TENM3: variants seen among roughly 807,000 people sequenced by gnomAD.
TENM3 encodes the protein teneurin transmembrane protein 3.
In TENM3, 63 loss-of-function variants were observed where a neutral mutation model predicts 255.1. The observed-to-expected ratio is 0.25, with a 90% confidence interval of 0.20 to 0.30. The LOEUF (loss-of-function observed/expected upper bound fraction) is 0.30, where lower values mean the gene tolerates loss of function less well. Among genes scored for constraint, TENM3 ranks in the 10% least tolerant of loss-of-function variants. TENM3 has a pLI of 1.00. For synonymous variants in TENM3, 1,306 were observed against 1,322.3 expected, an observed-to-expected ratio of 0.99 and a Z score of 0.27; for missense variants, 2,929 against 3,461.1, an observed-to-expected ratio of 0.85 and a Z score of 3.86.
At chr4:182,008,916 T>C in the TENM3 span, among the ~76,000 whole-genome samples, 1 of 152,120 alleles carries the variant, frequency 6.6e-6, no homozygotes, top group Admixed American at 6.6e-5. Flanking sequence ...GTGGGGACTT[T>C]TTGTTTTTGT....
chr4:182,623,745 C>A (rs1303277670), intron 4 of TENM3, among the ~76,000 whole-genome samples: 1 of 152,108 alleles, frequency 6.6e-6, no homozygotes, highest in African/African-American at 2.4e-5. Context: ...TCTGGTGTTA[C>A]ACTCTTCTCC....
chr4:181,659,313 G>A, the TENM3 span, among the ~76,000 whole-genome samples: 1 of 151,970 alleles, frequency 6.6e-6, no homozygotes, highest in Non-Finnish European at 1.5e-5. Flanking sequence ...TTACTTTCAG[G>A]AACTCCCTAC....
At chr4:181,734,327 C>A in the TENM3 span, among the ~76,000 whole-genome samples, 1 of 151,508 alleles carries the variant, frequency 6.6e-6, no homozygotes, top group African/African-American at 2.4e-5. Context: ...TTTTAATCCC[C>A]AGAACACAGC....
the TENM3 span, among the ~76,000 whole-genome samples, chr4:181,913,303 T>C: frequency 6.6e-6 from 1 of 152,138 alleles, no homozygotes; most frequent in African/African-American, 2.4e-5. Context: ...AAAGTGCCAT[T>C]TAATTTGGTC....
intron 12 of TENM3, among the ~76,000 whole-genome samples, chr4:182,700,532 T>C (rs757844872): frequency 8.5e-5 from 13 of 152,220 alleles, no homozygotes; most frequent in Non-Finnish European, 1.9e-4. Context: ...AATTTTTGTC[T>C]GTTGCTCTTC....
chr4:181,852,705 T>C, the TENM3 span, among the ~76,000 whole-genome samples: 2 of 152,234 alleles, frequency 1.3e-5, no homozygotes, highest in Non-Finnish European at 2.9e-5. Context: ...TGTATTAATA[T>C]TTCAGCGCTT....
At chr4:182,275,862 G>A (rs1759963915) in intron 1 of TENM3, among the ~76,000 whole-genome samples, 2 of 152,144 alleles carry the variant, frequency 1.3e-5, no homozygotes, top group Non-Finnish European at 2.9e-5. Context: ...GACCACTTGA[G>A]CCCAGGAGTT....
chr4:181,746,222 T>C, the TENM3 span, among the ~76,000 whole-genome samples: 1 of 152,098 alleles, frequency 6.6e-6, no homozygotes, highest in African/African-American at 2.4e-5. Flanking sequence ...AGGTTATTTG[T>C]AATGAACAAA....
chr4:182,473,178 T>A (rs1484645170), intron 3 of TENM3, among the ~76,000 whole-genome samples: 2 of 152,170 alleles, frequency 1.3e-5, no homozygotes, highest in Non-Finnish European at 2.9e-5. Context: ...CCTTTATTGT[T>A]CAACTTACTG....
Position 182,520,270 on chromosome 4 carries a change from A to G in TENM3, c.512-80654A>G, listed in dbSNP as rs1335251499. ...ATACAAGACCAGTATAAAAAAATCAATTGTATTTCTACATTGTAGCAACAA... is the reference window on the plus strand; with the variant it reads ...ATACAAGACCAGTATAAAAAAATCAGTTGTATTTCTACATTGTAGCAACAA... On this transcript the variant is annotated intron_variant, in intron 3 of 27. Coordinates refer to ENST00000511685, the MANE Select transcript of TENM3 (RefSeq NM_001080477.4). Among the ~76,000 whole-genome samples the G allele has an allele frequency of 3.3e-5, 5 of 152,200 alleles. No individual in the cohort carries two copies. The East Asian group carries it at 9.6e-4, about 29-fold the overall frequency.
the TENM3 span, among the ~76,000 whole-genome samples, chr4:182,062,306 T>C: frequency 3.9e-5 from 6 of 152,172 alleles, no homozygotes; most frequent in African/African-American, 1.4e-4. Flanking sequence ...ACCTTTACAA[T>C]TGTGTATTTG....
intron 1 of TENM3, among the ~76,000 whole-genome samples, chr4:182,184,261 T>G (rs1183730568): frequency 6.6e-6 from 1 of 152,210 alleles, no homozygotes; most frequent in Non-Finnish European, 1.5e-5. Context: ...GGAATAGAAG[T>G]TAATCAAATC....
intron 3 of TENM3, among the ~76,000 whole-genome samples, chr4:182,477,596 G>C (rs897335528): frequency 1.3e-5 from 2 of 152,014 alleles, no homozygotes; most frequent in South Asian, 2.1e-4. Context: ...ATGTCTTTTC[G>C]TTCTTTATTT....
At chr4:181,911,416 G>A in the TENM3 span, among the ~76,000 whole-genome samples, 1 of 152,266 alleles carries the variant, frequency 6.6e-6, no homozygotes, top group East Asian at 1.9e-4. Context: ...ATAAAGCCAA[G>A]CTTTTTTCTT....
chr4:182,699,782 A>AT (rs2152632480), intron 12 of TENM3, among the ~76,000 whole-genome samples: 1 of 152,292 alleles, frequency 6.6e-6, no homozygotes, highest in South Asian at 2.1e-4. Flanking sequence ...TCCTTTACTA[A>AT]TATACTAGAG....
chr4:181,858,200 C>T, the TENM3 span, among the ~76,000 whole-genome samples: 1 of 152,178 alleles, frequency 6.6e-6, no homozygotes, highest in Admixed American at 6.5e-5. Context: ...GATCTTCCCA[C>T]CTCAGCCTCC....
chr4:182,553,655 C>T (rs1185806770), intron 3 of TENM3, among the ~76,000 whole-genome samples: 4 of 152,046 alleles, frequency 2.6e-5, no homozygotes, highest in East Asian at 3.8e-4. Flanking sequence ...TTGCTAGGGA[C>T]GATGTCTACT....
intron 1 of TENM3, among the ~76,000 whole-genome samples, chr4:182,173,251 G>T (rs1752225089): frequency 1.3e-5 from 2 of 152,180 alleles, no homozygotes; most frequent in Non-Finnish European, 2.9e-5. Flanking sequence ...CAGCTCGGAA[G>T]TGATCAAGAC....
the TENM3 span, among the ~76,000 whole-genome samples, chr4:181,570,147 G>A: frequency 6.7e-6 from 1 of 148,338 alleles, no homozygotes; most frequent in South Asian, 2.1e-4. Flanking sequence ...CCGGGTTCAC[G>A]CCATTCTCCT....
Sources: allele counts gnomAD v4.1 joint callset (sites outside exome capture counted in the v4.1 genomes callset), GRCh38; gene constraint gnomAD v4.1.1; transcripts MANE v1.5; gene names NCBI Gene and HGNC (gene_info 2026-07-23, HGNC 2026-07-21).